The following AMD1 variants were observed in gnomAD, a reference collection of about 807,000 sequenced individuals.
The protein encoded by AMD1 is adenosylmethionine decarboxylase 1.
Under a neutral mutation model 40.2 loss-of-function variants are expected in AMD1, and 11 were observed. The ratio of observed to expected loss-of-function variants is 0.27; its 90% CI spans 0.17 to 0.45. The LOEUF is 0.45. Ranked by LOEUF, AMD1 falls within the 20% of genes least tolerant of loss-of-function variation. The pLI is 1.00. For synonymous variants in AMD1, 121 were observed against 130.8 expected, an observed-to-expected ratio of 0.93 and a Z score of 0.51; for missense variants, 257 against 410.2, an observed-to-expected ratio of 0.63 and a Z score of 3.23.
intron 1 of AMD1, among the ~76,000 whole-genome samples, chr6:110,886,222 CAAAAAAA>C (rs34012901): frequency 3.6e-5 from 5 of 139,084 alleles, no homozygotes; most frequent in Non-Finnish European, 7.8e-5. Flanking sequence ...GACTCAGTCT[CAAAAAAA>C]AAAAAAAAAA....
At chr6:110,837,644 G>A in the AMD1 span, among the ~76,000 whole-genome samples, 4 of 142,718 alleles carry the variant, frequency 2.8e-5, no homozygotes, top group African/African-American at 1.0e-4. Context: ...TCAGGAGGCG[G>A]AGGTTGCAGT....
the AMD1 span, among the ~76,000 whole-genome samples, chr6:110,840,236 T>C: frequency 1.3e-5 from 2 of 152,112 alleles, no homozygotes; most frequent in Non-Finnish European, 2.9e-5. Context: ...TGCTTTTTTC[T>C]TGGCAATTTT....
chr6:110,874,507 G>T (rs894662311), upstream of AMD1, among the ~76,000 whole-genome samples: 4 of 150,942 alleles, frequency 2.7e-5, no homozygotes, highest in African/African-American at 7.4e-5. Context: ...TTCCGTTCCC[G>T]CTCTCCCCAC....
At chr6:110,814,995 G>A in the AMD1 span, 7 of 1,601,764 alleles carry the variant, frequency 4.4e-6, no homozygotes, top group East Asian at 7.0e-5. Context: ...TACTCCTCCC[G>A]CCCCTGCTCT....
At chr6:110,863,917 C>CA in the AMD1 span, 12 of 491,786 alleles carry the variant, frequency 2.4e-5, no homozygotes, top group African/African-American at 1.2e-4. Flanking sequence ...CATAGCCAAC[C>CA]AAAAAAACAT....
upstream of AMD1, among the ~76,000 whole-genome samples, chr6:110,871,240 T>A (rs73766055): frequency 7.2e-5 from 11 of 152,334 alleles, no homozygotes; most frequent in African/African-American, 1.4e-4. Flanking sequence ...GCTTATTTTT[T>A]AAAAACATCA....
chr6:110,840,647 T>A, the AMD1 span, among the ~76,000 whole-genome samples: 3 of 151,188 alleles, frequency 2.0e-5, no homozygotes. Flanking sequence ...ACCAGTCCTC[T>A]CGGGTTTTTA....
At chr6:110,867,490 C>T in the AMD1 span, among the ~76,000 whole-genome samples, 22 of 152,024 alleles carry the variant, frequency 1.4e-4, no homozygotes, top group African/African-American at 4.6e-4. Context: ...ATGGCAAAAC[C>T]CCATCTCTAC....
intron 1 of AMD1, among the ~76,000 whole-genome samples, chr6:110,885,856 C>T (rs1785651793): frequency 6.6e-6 from 1 of 152,150 alleles, no homozygotes; most frequent in African/African-American, 2.4e-5. Flanking sequence ...GTGAGACAGG[C>T]ACAAAATTCT....
the AMD1 span, among the ~76,000 whole-genome samples, chr6:110,835,792 G>A: frequency 1.3e-5 from 2 of 151,588 alleles, no homozygotes; most frequent in African/African-American, 4.9e-5. Context: ...TTGAACCCAG[G>A]AGGCAGAGGT....
intron 1 of AMD1, among the ~76,000 whole-genome samples, chr6:110,881,257 A>G (rs868620693): frequency 1.7e-4 from 26 of 152,242 alleles, no homozygotes; most frequent in African/African-American, 5.1e-4. Flanking sequence ...ACTGTTGTCA[A>G]TGACTATCCT....
chr6:110,835,823 C>T, the AMD1 span, among the ~76,000 whole-genome samples: 1 of 151,712 alleles, frequency 6.6e-6, no homozygotes, highest in African/African-American at 2.4e-5. Context: ...CGAGATCATC[C>T]CACTGTACTT....
At chr6:110,864,971 C>G in the AMD1 span, among the ~76,000 whole-genome samples, 5 of 152,254 alleles carry the variant, frequency 3.3e-5, no homozygotes, top group Non-Finnish European at 1.5e-5. Flanking sequence ...CTTCACATCA[C>G]TTGCTCTATG....
the AMD1 span, among the ~76,000 whole-genome samples, chr6:110,838,013 G>C: frequency 6.9e-6 from 1 of 144,884 alleles, no homozygotes. Flanking sequence ...AGTGAGCAGA[G>C]ATTGTATCAT....
chr6:110,886,166 T>C (rs1415091709), intron 1 of AMD1, among the ~76,000 whole-genome samples: 1 of 146,294 alleles, frequency 6.8e-6, no homozygotes, highest in Non-Finnish European at 1.5e-5. Context: ...GAGGTTGCAG[T>C]GAGCAGAGAT....
the AMD1 span, among the ~76,000 whole-genome samples, chr6:110,850,229 A>C: frequency 2.0e-5 from 3 of 152,298 alleles, no homozygotes; most frequent in South Asian, 6.2e-4. Flanking sequence ...TTAATTTTGC[A>C]GATTATAGAA....
chr6:110,859,413 C>A, the AMD1 span, among the ~76,000 whole-genome samples: 7 of 152,072 alleles, frequency 4.6e-5, no homozygotes, highest in African/African-American at 1.7e-4. Flanking sequence ...AGGCTGTGGG[C>A]CGAGCAGTGC....
chr6:110,866,999 G>A, the AMD1 span, among the ~76,000 whole-genome samples: 1 of 151,838 alleles, frequency 6.6e-6, no homozygotes, highest in Non-Finnish European at 1.5e-5. Flanking sequence ...ATTTTTAGTA[G>A]AGACGGGGTT....
chr6:110,893,342 A>G, intron 8 of AMD1, 134 bp from the exon 9 acceptor site: 4 of 1,263,434 alleles, frequency 3.2e-6, no homozygotes, highest in Non-Finnish European at 4.4e-6. Context: ...TGGCCCCTCC[A>G]GCACATAAGA....
Sources: allele counts gnomAD v4.1 joint callset (sites outside exome capture counted in the v4.1 genomes callset), GRCh38; gene constraint gnomAD v4.1.1; transcripts MANE v1.5; gene names NCBI Gene and HGNC (gene_info 2026-07-23, HGNC 2026-07-21).